The following PPP1R9A variants were observed in gnomAD, a reference collection of about 807,000 sequenced individuals.
The protein encoded by PPP1R9A is protein phosphatase 1 regulatory subunit 9A, also known as neurabin-1.
Under a neutral mutation model 141.9 loss-of-function variants are expected in PPP1R9A, and 59 were observed. That is an observed-to-expected ratio of 0.42 (90% CI 0.34 to 0.52). PPP1R9A has a LOEUF of 0.52. PPP1R9A is among the 20% of genes least tolerant of loss of function. The pLI is 0.10. For missense variants in PPP1R9A, 1,444 were observed against 1,611.9 expected (o/e 0.90, Z 1.78); for synonymous variants, 500 against 569.7 (o/e 0.88, Z 1.74).
At chr7:95,110,078 A>G (rs1235715508) in intron 2 of PPP1R9A, among the ~76,000 whole-genome samples, 1 of 152,168 alleles carries the variant, frequency 6.6e-6, no homozygotes, top group Non-Finnish European at 1.5e-5. Flanking sequence ...CCACTCAGGT[A>G]CAAATCCTAC....
chr7:94,960,599 A>G (rs1302252569), intron 2 of PPP1R9A, among the ~76,000 whole-genome samples: 1 of 151,710 alleles, frequency 6.6e-6, no homozygotes, highest in African/African-American at 2.4e-5. Flanking sequence ...ATTTAATTTA[A>G]ATTGATTTCA....
At chr7:95,089,958 T>C (rs1292014490) in intron 2 of PPP1R9A, among the ~76,000 whole-genome samples, 2 of 151,930 alleles carry the variant, frequency 1.3e-5, no homozygotes, top group Non-Finnish European at 2.9e-5. Context: ...TTTCTCAGCA[T>C]GAGCAGTAGT....
chr7:95,110,679 G>A (rs912432723), intron 2 of PPP1R9A, among the ~76,000 whole-genome samples: 7 of 152,122 alleles, frequency 4.6e-5, no homozygotes, highest in African/African-American at 1.7e-4. Flanking sequence ...CAGCCCTTTA[G>A]CGATATTTTC....
At chr7:95,186,037 ATT>A (rs35549926) in intron 5 of PPP1R9A, among the ~76,000 whole-genome samples, 7 of 150,596 alleles carry the variant, frequency 4.6e-5, no homozygotes, top group African/African-American at 1.5e-4. Context: ...AATTTTTAGG[ATT>A]TTTTTTTTCT....
chr7:95,251,683 T>C (rs897297630), intron 10 of PPP1R9A, 79 bp from the exon 11 acceptor site: 2 of 1,300,258 alleles, frequency 1.5e-6, no homozygotes, highest in East Asian at 2.5e-5. Flanking sequence ...CTTATCCTAC[T>C]ATGCAGTTTA....
intron 4 of PPP1R9A, among the ~76,000 whole-genome samples, chr7:95,134,409 A>T (rs1467772663): frequency 2.0e-5 from 3 of 152,102 alleles, no homozygotes; most frequent in Non-Finnish European, 2.9e-5. Flanking sequence ...GGGTGCAGCA[A>T]ACCACCATGA....
At chr7:95,177,130 A>G (rs1480683440) in intron 5 of PPP1R9A, among the ~76,000 whole-genome samples, 1 of 152,132 alleles carries the variant, frequency 6.6e-6, no homozygotes, top group Non-Finnish European at 1.5e-5. Flanking sequence ...AGTACCAGGT[A>G]ACCTGTAAGG....
At chr7:94,920,748 T>C (rs1792690431) in intron 2 of PPP1R9A, among the ~76,000 whole-genome samples, 1 of 152,160 alleles carries the variant, frequency 6.6e-6, no homozygotes, top group African/African-American at 2.4e-5. Context: ...AAAAGGTGAA[T>C]AGAGTCATGA....
intron 2 of PPP1R9A, among the ~76,000 whole-genome samples, chr7:94,944,087 A>G (rs1795623733): frequency 6.6e-6 from 1 of 152,144 alleles, no homozygotes; most frequent in Non-Finnish European, 1.5e-5. Context: ...CATGTATACA[A>G]TCCCTAGTGA....
intron 8 of PPP1R9A, among the ~76,000 whole-genome samples, chr7:95,241,572 C>A (rs912145541): frequency 6.6e-6 from 1 of 151,910 alleles, no homozygotes; most frequent in African/African-American, 2.4e-5. Context: ...GAAGGTACGG[C>A]GAGGCTGGCT....
At chr7:95,058,654 G>T (rs1252211620) in intron 2 of PPP1R9A, among the ~76,000 whole-genome samples, 2 of 152,222 alleles carry the variant, frequency 1.3e-5, no homozygotes, top group Admixed American at 1.3e-4. Context: ...TGAAGCTGTT[G>T]TAAGAGGTCA....
At chr7:95,147,832 C>A (rs59652457) in intron 4 of PPP1R9A, among the ~76,000 whole-genome samples, 1,740 of 152,216 alleles carry the variant, frequency 0.011, 30 homozygotes, top group African/African-American at 0.04. Flanking sequence ...AGCCTTGCAT[C>A]CCAGGGATGA....
chr7:95,257,900 T>C (rs1799838352), intron 12 of PPP1R9A, among the ~76,000 whole-genome samples: 1 of 152,226 alleles, frequency 6.6e-6, no homozygotes, highest in Non-Finnish European at 1.5e-5. Flanking sequence ...CCACATTTTC[T>C]TAATCCACTC....
rs78601722 is a variant in PPP1R9A, at chr7:95,016,148, T to G, written c.1396-95111T>G. 4.1e-3 allele frequency among the ~76,000 whole-genome samples: 623 copies of G among 151,944 alleles called. 14 individuals carry two copies. The highest frequency in any genetic ancestry group is 0.033 in the East Asian group (171 of 5,170). On this transcript the variant is annotated intron_variant, in intron 2 of 19. Coordinates refer to ENST00000433360, the MANE Select transcript of PPP1R9A (RefSeq NM_001166160.2). ...AACAAAGTCTTAAAACAGAGAAAAA[T>G]TACTTATCATATACAATGGAATAAT...
At chr7:94,908,133 C>A (rs551907743) in intron 1 of PPP1R9A, 2 of 148,480 alleles carry the variant, frequency 1.3e-5, no homozygotes, top group South Asian at 2.2e-4. Flanking sequence ...GCGGCGCTCC[C>A]GCTCGGGTAA....
At chr7:94,988,620 C>G (rs1454079596) in intron 2 of PPP1R9A, among the ~76,000 whole-genome samples, 1 of 151,854 alleles carries the variant, frequency 6.6e-6, no homozygotes, top group Non-Finnish European at 1.5e-5. Context: ...TTTTCTTAAC[C>G]TTTATTGAAA....
chr7:95,092,545 T>C (rs28602619), intron 2 of PPP1R9A, among the ~76,000 whole-genome samples: 10,123 of 152,174 alleles, frequency 0.067, 420 homozygotes, highest in African/African-American at 0.12. Context: ...AATGAATGAA[T>C]GAAGTACATA....
At chr7:94,973,721 C>CTT (rs200492667) in intron 2 of PPP1R9A, among the ~76,000 whole-genome samples, 17 of 137,162 alleles carry the variant, frequency 1.2e-4, no homozygotes, top group South Asian at 9.3e-4. Flanking sequence ...TTCTTTCTTT[C>CTT]TTTTTTTTTT....
chr7:95,221,894 A>T (rs762435141), intron 7 of PPP1R9A, among the ~76,000 whole-genome samples: 5 of 152,056 alleles, frequency 3.3e-5, no homozygotes, highest in Non-Finnish European at 5.9e-5. Context: ...CAAGAGGAAG[A>T]CTTGGCCCTG....
Sources: allele counts gnomAD v4.1 joint callset (sites outside exome capture counted in the v4.1 genomes callset), GRCh38; gene constraint gnomAD v4.1.1; transcripts MANE v1.5; gene names NCBI Gene and HGNC (gene_info 2026-07-23, HGNC 2026-07-21).